Variants in ZNF564 observed in about 807,000 individuals in gnomAD.
The protein encoded by ZNF564 is zinc finger protein 564.
Under a neutral mutation model 10.5 loss-of-function variants are expected in ZNF564, and 5 were observed. The ratio of observed to expected loss-of-function variants is 0.48; its 90% CI spans 0.25 to 1.00. ZNF564 has a LOEUF of 1.00. Among genes scored for constraint, ZNF564 ranks in the 50% least tolerant of loss-of-function variants. The pLI is 0.16. For missense variants in ZNF564, 603 were observed against 669.7 expected, an observed-to-expected ratio of 0.90 and a Z score of 1.10; for synonymous variants, 242 against 218.1, an observed-to-expected ratio of 1.11 and a Z score of -0.97.
rs1316918445 is a variant in ZNF564, at chr19:12,527,904, T to C, written c.204A>G (p.Glu68=). 3 of 1,580,618 alleles carry C rather than the reference T, an allele frequency of 1.9e-6. No homozygotes were observed. Among genetic ancestry groups the C allele is most frequent in the African/African-American group, 2.7e-5 (2 of 73,250 alleles). ...ATTCTTTACTTTCACTGAGTCCCTCTTCCATATGATTTCTGGAAAAAATAG... is the reference window on the plus strand; with the variant it reads ...ATTCTTTACTTTCACTGAGTCCCTCCTCCATATGATTTCTGGAAAAAATAG... The part of the protein sequence containing the change: ...NQGRILRNHM[E]EGLSESKEYD... Residue 68 remains glutamate (E), a synonymous_variant, in exon 4 of 4, where the codon GAA becomes GAG. Transcript: ENST00000339282.
rs76282133 is a variant in ZNF564 at position 12,543,749 on chromosome 19, A to G, written c.3+7581T>C. 5.7e-3 allele frequency among the ~76,000 whole-genome samples: 860 copies of G among 151,870 alleles called. 12 individuals carry two copies. Among genetic ancestry groups the G allele is most frequent in the African/African-American group, 0.02 (828 of 41,418 alleles). On this transcript the variant is annotated intron_variant, in intron 1 of 3. Coordinates refer to ENST00000339282, the MANE Select transcript of ZNF564 (RefSeq NM_144976.4). ...AAACAGCAAAGACTTCGTACAGTAC[A>G]CTGTTAGAAAATGTTACAGCCTGAA...
intron 1 of ZNF564, among the ~76,000 whole-genome samples, chr19:12,540,595 C>T (rs1015172464): frequency 6.6e-6 from 1 of 152,166 alleles, no homozygotes; most frequent in African/African-American, 2.4e-5. Flanking sequence ...TAGCTCATGC[C>T]TGTAATCCCA....
intron 1 of ZNF564, among the ~76,000 whole-genome samples, chr19:12,547,811 C>T (rs1599288712): frequency 7.1e-6 from 1 of 139,954 alleles, no homozygotes; most frequent in African/African-American, 2.6e-5. Context: ...TATTCACTTA[C>T]TTTTTTTTTT....
At chr19:12,527,977 C>T (rs1033365509) in intron 3 of ZNF564, 61 bp from the exon 4 acceptor site, 19 of 1,493,580 alleles carry the variant, frequency 1.3e-5, no homozygotes, top group Middle Eastern at 1.8e-4. Flanking sequence ...AATAGGTATT[C>T]GACTTACATT....
At chr19:12,538,369 T>C (rs1293018421) in intron 1 of ZNF564, among the ~76,000 whole-genome samples, 1 of 151,878 alleles carries the variant, frequency 6.6e-6, no homozygotes, top group Non-Finnish European at 1.5e-5. Context: ...CTCACGCCTG[T>C]AATCCCAGCA....
At chr19:12,546,281 T>C (rs775964887) in intron 1 of ZNF564, among the ~76,000 whole-genome samples, 1 of 152,184 alleles carries the variant, frequency 6.6e-6, no homozygotes, top group Non-Finnish European at 1.5e-5. Flanking sequence ...GCTGACAATG[T>C]TGAATTTTAC....
intron 1 of ZNF564, among the ~76,000 whole-genome samples, chr19:12,532,720 T>C (rs1343497693): frequency 1.3e-5 from 2 of 151,574 alleles, no homozygotes; most frequent in East Asian, 3.9e-4. Context: ...TGAGACTCTG[T>C]CTCTAAAAAA....
At chr19:12,548,522 TGTATTTTTTA>T (rs2022195293) in intron 1 of ZNF564, among the ~76,000 whole-genome samples, 1 of 152,198 alleles carries the variant, frequency 6.6e-6, no homozygotes, top group South Asian at 2.1e-4. Flanking sequence ...GCCAATTTTT[TGTATTTTTTA>T]GTAGAGACGG....
At chr19:12,538,640 T>TA (rs998710730) in intron 1 of ZNF564, among the ~76,000 whole-genome samples, 4 of 151,348 alleles carry the variant, frequency 2.6e-5, no homozygotes, top group Non-Finnish European at 4.4e-5. Context: ...AATAAATAAA[T>TA]AAAAAATAAA....
intron 1 of ZNF564, among the ~76,000 whole-genome samples, chr19:12,532,207 C>A (rs182728364): frequency 2.6e-4 from 39 of 148,436 alleles, no homozygotes; most frequent in African/African-American, 9.7e-4. Context: ...TGGGGAACAG[C>A]GAGACCTTCA....
At chr19:12,546,387 A>G (rs577361605) in intron 1 of ZNF564, among the ~76,000 whole-genome samples, 5 of 152,268 alleles carry the variant, frequency 3.3e-5, no homozygotes, top group African/African-American at 9.6e-5. Context: ...ACTGCGGGGG[A>G]AAAAACCCTA....
In ZNF564 at chr19:12,532,534, CAAAAAAAAAAA is replaced by C. The variant is rs35579003; in HGVS notation, c.4-3849_4-3839del. Among the ~76,000 whole-genome samples, 13 of 39,258 alleles carry C rather than the reference CAAAAAAAAAAA, an allele frequency of 3.3e-4. No individual in the cohort carries two copies. The South Asian group carries it at 0.02, about 60-fold the overall frequency. 25.8% of individuals were successfully genotyped at this position (39,258 alleles called of 152,430 possible). On this transcript the variant is annotated intron_variant, in intron 1 of 3. Transcript: ENST00000339282. ...TGGGCGACAGAGCGAGACTCCGTCT[CAAAAAAAAAAA>C]AAAAAAAAAAAAAAAAATTTTTTTT...
Position 12,548,377 on chromosome 19 carries a change from C to G in ZNF564, c.3+2953G>C, listed in dbSNP as rs1032059343. The stretch of plus-strand genomic sequence containing the variant: ...GACTACAGGCACACACCGCCACACC[C>G]GGCTAATTTTTGTATTTTTAGTAGA... On this transcript the variant is annotated intron_variant, in intron 1 of 3. Transcript: ENST00000339282. 2.6e-5 allele frequency among the ~76,000 whole-genome samples: 4 copies of G among 152,052 alleles called. No homozygotes were observed. The East Asian group carries it at 7.7e-4, about 29-fold the overall frequency.
rs527314701 is a variant in ZNF564 at position 12,532,372 on chromosome 19, A to G, written c.4-3676T>C. Among the ~76,000 whole-genome samples, 898 of 150,858 alleles carry G rather than the reference A, an allele frequency of 6.0e-3. 16 individuals are homozygous for G. The highest frequency in any genetic ancestry group is 0.021 in the African/African-American group (859 of 41,154). On this transcript the variant is annotated intron_variant, in intron 1 of 3. Transcript: ENST00000339282. ...AACACGGTGAAACCCCGTCTCTACT[A>G]AAAATACAAAAAATTAGCCGGGCGT...
intron 1 of ZNF564, chr19:12,548,595 C>T: frequency 1.9e-6 from 1 of 520,688 alleles, no homozygotes; most frequent in South Asian, 2.6e-5. Context: ...CGTGATCCAC[C>T]TGCCTTGGTG....
intron 1 of ZNF564, chr19:12,548,311 G>A (rs550807568): frequency 2.9e-4 from 85 of 296,614 alleles, no homozygotes; most frequent in African/African-American, 1.8e-3. Flanking sequence ...TCCGCCTCCC[G>A]GGTTCACGTC....
chr19:12,548,831 G>T, intron 1 of ZNF564: 1 of 702,918 alleles, frequency 1.4e-6, no homozygotes. Context: ...AAAGGATACA[G>T]AACAGTTATC....
chr19:12,537,504 C>T (rs772692026), intron 1 of ZNF564, among the ~76,000 whole-genome samples: 1 of 151,882 alleles, frequency 6.6e-6, no homozygotes, highest in Non-Finnish European at 1.5e-5. Context: ...TTTGGGAGGT[C>T]GAGGGGGGCG....
At chr19:12,541,084 A>G (rs967796484) in intron 1 of ZNF564, among the ~76,000 whole-genome samples, 14 of 149,950 alleles carry the variant, frequency 9.3e-5, no homozygotes, top group Non-Finnish European at 1.6e-4. Flanking sequence ...AAAAAAAAAA[A>G]AAAAGAAACA....
Sources: gnomAD v4.1 joint callset for allele counts (sites outside exome capture counted in the v4.1 genomes callset) on GRCh38, gnomAD v4.1.1 for gene constraint, MANE v1.5 for transcripts, NCBI Gene and HGNC (gene_info 2026-07-23, HGNC 2026-07-21) for gene names.